The following CEP128 variants were observed in gnomAD, a reference collection of about 807,000 sequenced individuals.
CEP128 encodes centrosomal protein 128.
CEP128 carries 132 observed loss-of-function variants against 156.7 expected under a neutral mutation model. The observed-to-expected ratio is 0.84, with a 90% CI of 0.73 to 0.97. CEP128 has a LOEUF of 0.97. CEP128 is among the 50% of genes least tolerant of loss of function. The pLI is 0.00. For missense variants in CEP128, 1,252 were observed against 1,281.9 expected, an observed-to-expected ratio of 0.98 and a Z score of 0.36; for synonymous variants, 469 against 448.9, an observed-to-expected ratio of 1.04 and a Z score of -0.57.
chr14:80,526,196 C>T (rs190171997), intron 23 of CEP128, among the ~76,000 whole-genome samples: 8 of 152,106 alleles, frequency 5.3e-5, no homozygotes, highest in Admixed American at 3.9e-4. Context: ...TATACTGCAA[C>T]GCATAAGACT....
intron 6 of CEP128, among the ~76,000 whole-genome samples, chr14:80,900,325 AAG>A (rs1385976236): frequency 6.6e-6 from 1 of 152,198 alleles, no homozygotes; most frequent in African/African-American, 2.4e-5. Flanking sequence ...AAAAAGAAAA[AAG>A]AGAGAGCGAG....
intron 19 of CEP128, among the ~76,000 whole-genome samples, chr14:80,673,447 T>C (rs1895924095): frequency 6.8e-6 from 1 of 147,212 alleles, no homozygotes; most frequent in South Asian, 2.2e-4. Context: ...ATCGAGACCA[T>C]CCCGGCTAAA....
intron 14 of CEP128, among the ~76,000 whole-genome samples, chr14:80,483,926 T>C (rs1238859538): frequency 2.0e-5 from 3 of 152,184 alleles, no homozygotes; most frequent in Non-Finnish European, 4.4e-5. Context: ...AAAGTTAAGA[T>C]GTTTAACAGG....
At chr14:80,685,424 A>C (rs1318616271) in intron 19 of CEP128, among the ~76,000 whole-genome samples, 3 of 152,118 alleles carry the variant, frequency 2.0e-5, no homozygotes, top group African/African-American at 7.2e-5. Context: ...ACCACAAAAC[A>C]CTGCTGAAAT....
intron 2 of CEP128, among the ~76,000 whole-genome samples, chr14:80,934,818 A>G (rs996607889): frequency 4.7e-5 from 7 of 147,376 alleles, no homozygotes; most frequent in African/African-American, 1.7e-4. Context: ...AAAAAAGAAT[A>G]TTTGTTTTAA....
intron 19 of CEP128, among the ~76,000 whole-genome samples, chr14:80,645,564 G>A (rs1595142449): frequency 6.6e-6 from 1 of 152,074 alleles, no homozygotes; most frequent in Non-Finnish European, 1.5e-5. Flanking sequence ...CAAAAATCAT[G>A]GCACCAAAAG....
intron 14 of CEP128, among the ~76,000 whole-genome samples, chr14:80,482,168 T>C (rs138979127): frequency 6.6e-6 from 1 of 152,346 alleles, no homozygotes; most frequent in African/African-American, 2.4e-5. Flanking sequence ...CCCAAACAAC[T>C]ATAACAGCAG....
chr14:80,643,538 C>T (rs1041052476), intron 19 of CEP128, among the ~76,000 whole-genome samples: 1 of 151,938 alleles, frequency 6.6e-6, no homozygotes, highest in Admixed American at 6.6e-5. Context: ...CCAACAGGGT[C>T]ATCTCTGCTA....
intron 19 of CEP128, among the ~76,000 whole-genome samples, chr14:80,601,529 T>G (rs936741784): frequency 6.6e-6 from 1 of 152,182 alleles, no homozygotes; most frequent in African/African-American, 2.4e-5. Flanking sequence ...GGGCCACAGG[T>G]TGGACAAGAT....
At chr14:80,798,027 C>G (rs1400675883) in intron 13 of CEP128, among the ~76,000 whole-genome samples, 1 of 152,094 alleles carries the variant, frequency 6.6e-6, no homozygotes, top group Non-Finnish European at 1.5e-5. Flanking sequence ...TTTCATATCA[C>G]TTAATTAAGT....
intron 19 of CEP128, among the ~76,000 whole-genome samples, chr14:80,673,645 C>CAAAAAAA (rs4016509): frequency 0.019 from 820 of 43,934 alleles, 113 homozygotes; most frequent in Non-Finnish European, 0.023. Context: ...GACTCCGTCT[C>CAAAAAAA]AAAAAAAAAA....
intron 19 of CEP128, among the ~76,000 whole-genome samples, chr14:80,650,262 A>T (rs1778449593): frequency 6.6e-6 from 1 of 152,116 alleles, no homozygotes; most frequent in South Asian, 2.1e-4. Flanking sequence ...TTGCAAATTG[A>T]TTTTGTATCC....
At chr14:80,794,958 A>G (rs750866155) in intron 13 of CEP128, among the ~76,000 whole-genome samples, 1 of 152,234 alleles carries the variant, frequency 6.6e-6, no homozygotes, top group Non-Finnish European at 1.5e-5. Flanking sequence ...CAAAGATTGA[A>G]TGCTGTATAT....
intron 23 of CEP128, among the ~76,000 whole-genome samples, chr14:80,506,337 T>TC (rs1475607264): frequency 2.9e-4 from 41 of 139,512 alleles, no homozygotes; most frequent in Admixed American, 6.9e-4. Flanking sequence ...TTGAAACTCT[T>TC]TTTTTTTTTT....
At position 80,586,642 on chromosome 14, in the gene CEP128, C is replaced by T. The variant is rs546672064; in HGVS notation, c.2807-6219G>A. Among the ~76,000 whole-genome samples, 6 of 152,272 alleles carry T rather than the reference C, an allele frequency of 3.9e-5. No homozygotes were observed. The South Asian group carries it at 1.0e-3, about 26-fold the overall frequency. On this transcript the variant is annotated intron_variant, in intron 19 of 24. Transcript: ENST00000555265. ...GTAACATCGACAATCTGTGGGAAGACCCACAGTTACCAACTGTCCACGTTA... is the reference window on the plus strand; with the variant it reads ...GTAACATCGACAATCTGTGGGAAGATCCACAGTTACCAACTGTCCACGTTA...
At chr14:80,654,437 G>A (rs1402542933) in intron 19 of CEP128, among the ~76,000 whole-genome samples, 3 of 152,104 alleles carry the variant, frequency 2.0e-5, no homozygotes, top group South Asian at 4.1e-4. Flanking sequence ...CTACACAGAT[G>A]ATATAGGACA....
At chr14:80,526,546 A>C (rs1244956092) in intron 23 of CEP128, 1 of 192,806 alleles carries the variant, frequency 5.2e-6, no homozygotes, top group Admixed American at 5.4e-5. Flanking sequence ...ACATAGAAGA[A>C]GGTGATCATC....
chr14:80,498,168 C>T (rs1887578444), intron 24 of CEP128, among the ~76,000 whole-genome samples: 1 of 152,128 alleles, frequency 6.6e-6, no homozygotes, highest in Non-Finnish European at 1.5e-5. Flanking sequence ...ACCGTGGTTC[C>T]TCTCTTCCTT....
At chr14:80,590,681 AG>A (rs1892016892) in intron 19 of CEP128, among the ~76,000 whole-genome samples, 2 of 152,152 alleles carry the variant, frequency 1.3e-5, no homozygotes, top group African/African-American at 2.4e-5. Flanking sequence ...TCAAAAATAC[AG>A]GTACATACAA....
Sources: allele counts gnomAD v4.1 joint callset (sites outside exome capture counted in the v4.1 genomes callset), GRCh38; gene constraint gnomAD v4.1.1; transcripts MANE v1.5; gene names NCBI Gene and HGNC (gene_info 2026-07-23, HGNC 2026-07-21).